The following EFCAB13 variants were observed in gnomAD, a reference collection of about 807,000 sequenced individuals.
EFCAB13 encodes EF-hand calcium-binding domain-containing protein 13.
Under a neutral mutation model 110.2 loss-of-function variants are expected in EFCAB13, and 91 were observed. The ratio of observed to expected loss-of-function variants is 0.83; its 90% CI spans 0.70 to 0.98. The LOEUF (loss-of-function observed/expected upper bound fraction) is 0.98, where lower values mean the gene tolerates loss of function less well. Ranked by LOEUF, EFCAB13 falls within the 50% of genes least tolerant of loss-of-function variation. The pLI, the probability that EFCAB13 is intolerant of heterozygous loss-of-function variation, is 0.00. For missense variants in EFCAB13, 968 were observed against 1,119.4 expected, an observed-to-expected ratio of 0.86 and a Z score of 1.93; for synonymous variants, 323 against 369.9, an observed-to-expected ratio of 0.87 and a Z score of 1.45.
intron 23 of EFCAB13, among the ~76,000 whole-genome samples, chr17:47,417,278 C>T (rs1028657274): frequency 1.3e-5 from 2 of 152,104 alleles, no homozygotes; most frequent in Non-Finnish European, 2.9e-5. Flanking sequence ...GAGGTGGAGG[C>T]GGTGGAAGAG....
chr17:47,339,484 C>G (rs1293826529), intron 5 of EFCAB13, among the ~76,000 whole-genome samples: 2 of 152,028 alleles, frequency 1.3e-5, no homozygotes, highest in African/African-American at 2.4e-5. Flanking sequence ...GGATTTGTGT[C>G]CCTATGAGAA....
At chr17:47,413,611 T>A (rs1028310654) in intron 22 of EFCAB13, among the ~76,000 whole-genome samples, 1 of 152,176 alleles carries the variant, frequency 6.6e-6, no homozygotes, top group Non-Finnish European at 1.5e-5. Context: ...CCCCAGATTG[T>A]TATTCACCTA....
intron 20 of EFCAB13, among the ~76,000 whole-genome samples, chr17:47,408,948 G>A (rs1421327413): frequency 6.6e-6 from 1 of 152,094 alleles, no homozygotes; most frequent in Non-Finnish European, 1.5e-5. Flanking sequence ...TATTTTGAAA[G>A]TACTTTTTAT....
intron 21 of EFCAB13, among the ~76,000 whole-genome samples, chr17:47,410,043 C>T (rs2065826302): frequency 6.6e-6 from 1 of 152,082 alleles, no homozygotes; most frequent in African/African-American, 2.4e-5. Flanking sequence ...AATATTCTTC[C>T]CTGATCCTCT....
intron 3 of EFCAB13, among the ~76,000 whole-genome samples, chr17:47,327,296 C>T (rs937764924): frequency 6.6e-6 from 1 of 151,982 alleles, no homozygotes; most frequent in Non-Finnish European, 1.5e-5. Flanking sequence ...TCCTGAGTAG[C>T]TGGGATTATA....
intron 17 of EFCAB13, among the ~76,000 whole-genome samples, chr17:47,397,324 C>T (rs546883096): frequency 6.5e-4 from 99 of 152,302 alleles, no homozygotes; most frequent in Non-Finnish European, 1.1e-3. Context: ...CTCAATGGTG[C>T]CCAGGCTGGA....
chr17:47,375,016 C>T, intron 12 of EFCAB13, 50 bp downstream of exon 12: 1 of 1,486,722 alleles, frequency 6.7e-7, no homozygotes, highest in Non-Finnish European at 8.9e-7. Flanking sequence ...CAGAAATGAA[C>T]AGAATGAATC....
chr17:47,398,237 TG>T (rs1224958422), intron 17 of EFCAB13, among the ~76,000 whole-genome samples: 5 of 109,842 alleles, frequency 4.6e-5, no homozygotes, highest in African/African-American at 1.4e-4. Context: ...GGGAGGGAGG[TG>T]GGGGGGTCAG....
intron 3 of EFCAB13, among the ~76,000 whole-genome samples, chr17:47,327,180 TG>T (rs1271690249): frequency 6.6e-6 from 1 of 152,068 alleles, no homozygotes; most frequent in Non-Finnish European, 1.5e-5. Context: ...TCTTTTGTTT[TG>T]TTTTTTTTGA....
intron 14 of EFCAB13, among the ~76,000 whole-genome samples, chr17:47,382,833 G>A (rs2065654515): frequency 6.6e-6 from 1 of 152,106 alleles, no homozygotes; most frequent in African/African-American, 2.4e-5. Context: ...CTTTTCTGTT[G>A]TTTGGAATAG....
intron 5 of EFCAB13, among the ~76,000 whole-genome samples, chr17:47,336,067 A>G (rs1335227636): frequency 6.6e-6 from 1 of 152,190 alleles, no homozygotes; most frequent in Non-Finnish European, 1.5e-5. Context: ...TAAGAAGGAA[A>G]CAGAAGGTTC....
At position 47,379,229 on chromosome 17, in the gene EFCAB13, G is replaced by T; in HGVS notation, c.1558G>T (p.Glu520Ter). 6.2e-7 allele frequency: 1 copy of T among 1,613,478 alleles called. No homozygotes were observed. Among genetic ancestry groups the T allele is most frequent in the South Asian group, 1.1e-5 (1 of 91,044 alleles). The change falls in exon 14 of 25, where the codon GAG becomes TAG. Residue 520 changes from glutamate to a stop codon, truncating the protein, a stop_gained. Coordinates refer to ENST00000331493, the MANE Select transcript of EFCAB13 (RefSeq NM_152347.5). LOFTEE classifies it high-confidence loss of function. ...LDDFVNALAK[E>*]RSFPECNALP... Reference sequence around the variant, plus strand: ...TGACTTTGTAAATGCTCTCGCCAAGGAGCGAAGTTTTCCTGAATGCAATGG... The same window carrying T: ...TGACTTTGTAAATGCTCTCGCCAAGTAGCGAAGTTTTCCTGAATGCAATGG...
chr17:47,344,035 C>T, intron 6 of EFCAB13, 127 bp from the exon 7 acceptor site: 2 of 1,104,114 alleles, frequency 1.8e-6, no homozygotes, highest in Non-Finnish European at 2.5e-6. Context: ...GGCAATTTTA[C>T]ACCAGAAGCA....
At chr17:47,440,289 C>A in intron 24 of EFCAB13, 142 bp from the exon 25 acceptor site, 1 of 709,772 alleles carries the variant, frequency 1.4e-6, no homozygotes, top group Non-Finnish European at 2.1e-6. Flanking sequence ...CATATGCATG[C>A]AAGAGGTAAG....
At chr17:47,398,235 G>T (rs2065757632) in intron 17 of EFCAB13, among the ~76,000 whole-genome samples, 1 of 144,662 alleles carries the variant, frequency 6.9e-6, no homozygotes, top group Non-Finnish European at 1.5e-5. Flanking sequence ...CCGGGAGGGA[G>T]GTGGGGGGGT....
chr17:47,340,665 C>A (rs1034639079), intron 5 of EFCAB13, among the ~76,000 whole-genome samples: 1 of 151,232 alleles, frequency 6.6e-6, no homozygotes, highest in Non-Finnish European at 1.5e-5. Flanking sequence ...TGCAGTGATG[C>A]GATCTTGGCT....
At chr17:47,374,236 T>C (rs2065600891) in intron 11 of EFCAB13, among the ~76,000 whole-genome samples, 1 of 152,194 alleles carries the variant, frequency 6.6e-6, no homozygotes, top group Admixed American at 6.5e-5. Flanking sequence ...AGTTTTACTG[T>C]AACTTTAAAT....
Position 47,347,795 on chromosome 17 carries a change from T to G in EFCAB13, c.518-13T>G. 1 of 1,410,648 alleles carries G rather than the reference T, an allele frequency of 7.1e-7. No individual in the cohort carries two copies. Among genetic ancestry groups the G allele is most frequent in the Non-Finnish European group, 9.4e-7 (1 of 1,066,202 alleles). 87.4% of individuals were successfully genotyped at this position (1,410,648 alleles called of 1,614,324 possible). On this transcript the variant is annotated splice_polypyrimidine_tract_variant and intron_variant, in intron 8 of 24. Transcript: ENST00000331493. ...TTGATTAACTAACTAAATGTTTTGT[T>G]ATGTGTGTGCAGCACTTCATAAAGC...
intron 23 of EFCAB13, among the ~76,000 whole-genome samples, chr17:47,423,857 GACCTT>G (rs984598693): frequency 6.6e-6 from 1 of 152,072 alleles, no homozygotes; most frequent in African/African-American, 2.4e-5. Flanking sequence ...TGTAGACCTA[GACCTT>G]TACCTGCTAC....
Sources: allele counts gnomAD v4.1 joint callset (sites outside exome capture counted in the v4.1 genomes callset), GRCh38; gene constraint gnomAD v4.1.1; transcripts MANE v1.5; gene names NCBI Gene and HGNC (gene_info 2026-07-23, HGNC 2026-07-21).